The following SORCS2 variants were observed in gnomAD, a reference collection of about 807,000 sequenced individuals.
The protein encoded by SORCS2 is VPS10 domain-containing receptor SorCS2.
SORCS2 carries 100 observed loss-of-function variants against 141.6 expected under a neutral mutation model. The observed-to-expected ratio is 0.71, with a 90% confidence interval of 0.60 to 0.83. SORCS2 has a LOEUF of 0.83. Among genes scored for constraint, SORCS2 ranks in the 40% least tolerant of loss-of-function variants. The pLI is 0.00. For synonymous variants in SORCS2, 789 were observed against 676.9 expected, an observed-to-expected ratio of 1.17 and a Z score of -2.57; for missense variants, 1,646 against 1,560.2, an observed-to-expected ratio of 1.05 and a Z score of -0.93.
At chr4:7,512,999 T>C (rs1338221370) in intron 2 of SORCS2, among the ~76,000 whole-genome samples, 1 of 152,122 alleles carries the variant, frequency 6.6e-6, no homozygotes. Flanking sequence ...CCCACATCAT[T>C]GTTCCTGGAA....
chr4:7,682,056 C>G (rs1007607538), intron 9 of SORCS2, among the ~76,000 whole-genome samples: 1 of 152,170 alleles, frequency 6.6e-6, no homozygotes, highest in Non-Finnish European at 1.5e-5. Context: ...GCAAACCACT[C>G]GGTTGAACTA....
chr4:7,704,436 G>A (rs1253223798), intron 14 of SORCS2, among the ~76,000 whole-genome samples, 152 bp downstream of exon 14: 4 of 152,352 alleles, frequency 2.6e-5, no homozygotes, highest in South Asian at 2.1e-4. Flanking sequence ...GGACAGGACC[G>A]AGGCTCCAGG....
chr4:7,624,788 G>T (rs1196402277), intron 3 of SORCS2, among the ~76,000 whole-genome samples: 2 of 152,174 alleles, frequency 1.3e-5, no homozygotes, highest in Admixed American at 6.6e-5. Flanking sequence ...AAGCAAACAG[G>T]CTTTTTAGCA....
chr4:7,193,975 A>C lies in SORCS2; in HGVS notation c.480+849A>C, dbSNP rs1727020988. Among the ~76,000 whole-genome samples, 1 of 151,900 alleles carries C rather than the reference A, an allele frequency of 6.6e-6. No individual in the cohort carries two copies. The highest frequency in any genetic ancestry group is 1.5e-5 in the Non-Finnish European group (1 of 67,982). ...TGCAGGAGGCAGAGGGTCCCTTTAG[A>C]TTATTCCCCTGGGGGCTGCCTCAAC... On this transcript the variant is annotated intron_variant, in intron 1 of 26. Transcript: ENST00000507866. This position sits in a 1 kb window ranked among gnomAD's most constrained non-coding sequence, Gnocchi z 4.8.
intron 3 of SORCS2, among the ~76,000 whole-genome samples, chr4:7,543,975 C>T (rs370969535): frequency 0.061 from 2,202 of 36,390 alleles, 53 homozygotes; most frequent in Non-Finnish European, 0.073. Flanking sequence ...CATCCATCCA[C>T]CCATCCGTCC....
At position 7,241,694 on chromosome 4, in the gene SORCS2, C is replaced by T. The variant is rs561860027; in HGVS notation, c.480+48568C>T. 3.9e-5 allele frequency among the ~76,000 whole-genome samples: 6 copies of T among 152,318 alleles called. No individual in the cohort carries two copies. In the South Asian group the frequency reaches 6.2e-4, roughly 16 times the overall value. ...CAGTTGCCAGCACACGATGCCATTC[C>T]GTAGTCTCTCCCTGGTTAAGGTGGT... On this transcript the variant is annotated intron_variant, in intron 1 of 26. Coordinates refer to ENST00000507866, the MANE Select transcript of SORCS2 (RefSeq NM_020777.3).
intron 2 of SORCS2, among the ~76,000 whole-genome samples, chr4:7,524,658 C>T (rs10002208): frequency 0.44 from 66,320 of 151,538 alleles, 16,069 homozygotes; most frequent in East Asian, 0.78. Flanking sequence ...GCAGCGCCGC[C>T]GCCCTTGTTC....
intron 1 of SORCS2, among the ~76,000 whole-genome samples, chr4:7,320,276 T>C (rs1288171143): frequency 1.3e-5 from 2 of 152,256 alleles, no homozygotes; most frequent in Admixed American, 6.5e-5. Context: ...TTCATAAAAG[T>C]AAGCTCAGAG....
intron 1 of SORCS2, among the ~76,000 whole-genome samples, chr4:7,293,534 T>A (rs986614837): frequency 6.6e-6 from 1 of 152,216 alleles, no homozygotes; most frequent in Admixed American, 6.5e-5. Flanking sequence ...ATGCACCGTT[T>A]GCAGAGTTTA....
chr4:7,405,201 C>G (rs1050713871), intron 2 of SORCS2, among the ~76,000 whole-genome samples: 6 of 152,022 alleles, frequency 3.9e-5, no homozygotes, highest in African/African-American at 1.4e-4. Context: ...CCATTCTGTT[C>G]CATTGGTTTA....
intron 1 of SORCS2, among the ~76,000 whole-genome samples, chr4:7,223,488 T>C (rs1577294520): frequency 1.3e-5 from 2 of 152,248 alleles, no homozygotes; most frequent in Non-Finnish European, 2.9e-5. Context: ...TAAATAATTA[T>C]GCTGATGTGC....
At position 7,733,568 on chromosome 4, in the gene SORCS2, G is replaced by C. The variant is rs150246699; in HGVS notation, c.3208+147G>C. ...TCTGATGGAACTGAGAACCCACCCA[G>C]GTCAGACGCAGGACCGCGCTCTCCC... is the stretch of plus-strand genomic sequence containing the variant. On this transcript the variant is annotated intron_variant, in intron 24 of 26. Coordinates refer to ENST00000507866, the MANE Select transcript of SORCS2 (RefSeq NM_020777.3). 1,047 of 641,858 alleles carry C rather than the reference G, an allele frequency of 1.6e-3. 7 individuals carry two copies. The highest frequency in any genetic ancestry group is 8.7e-3 in the Middle Eastern group (20 of 2,290). The allele number at this position is 641,858 out of a possible 1,614,324, so 39.8% of individuals were successfully genotyped here.
At position 7,631,181 on chromosome 4, in the gene SORCS2, G is replaced by A. The variant is rs190956237; in HGVS notation, c.649-7147G>A. Among the ~76,000 whole-genome samples the A allele has an allele frequency of 6.7e-4, 101 of 151,506 alleles. No homozygotes were observed. In the East Asian group the frequency reaches 0.017, roughly 26 times the overall value. On this transcript the variant is annotated intron_variant, in intron 3 of 26. Coordinates refer to ENST00000507866, the MANE Select transcript of SORCS2 (RefSeq NM_020777.3). Reference sequence around the variant, plus strand: ...AGCCCTGCCAGAGGAAGATGACGTGGACCAGGGAAGGGAACTTGGCAGCGT... The same window carrying A: ...AGCCCTGCCAGAGGAAGATGACGTGAACCAGGGAAGGGAACTTGGCAGCGT...
chr4:7,641,777 A>G (rs1283742845), intron 4 of SORCS2, among the ~76,000 whole-genome samples: 1 of 79,066 alleles, frequency 1.3e-5, no homozygotes, highest in Non-Finnish European at 3.1e-5. Flanking sequence ...TGGATGGATA[A>G]ATGGATGGAT....
intron 1 of SORCS2, among the ~76,000 whole-genome samples, chr4:7,327,909 C>T (rs1719383012): frequency 6.6e-6 from 1 of 151,966 alleles, no homozygotes; most frequent in Non-Finnish European, 1.5e-5. Context: ...CCCCTCCAGA[C>T]CAAGGGCTCC....
rs1712234915 is a variant in SORCS2, at chr4:7,737,006, C to T, written c.3312-63C>T. The stretch of plus-strand genomic sequence containing the variant: ...GTGTGGTCAGGCGGCCAGCGGAAGG[C>T]TCCAGGGACAGGCGGCCTGGGAAGC... On this transcript the variant is annotated intron_variant, in intron 25 of 26. Transcript: ENST00000507866. 1.9e-6 allele frequency: 3 copies of T among 1,542,972 alleles called. No individual in the cohort carries two copies. The East Asian group carries it at 7.4e-5, about 38-fold the overall frequency.
intron 23 of SORCS2, among the ~76,000 whole-genome samples, chr4:7,731,638 T>C (rs1711695881): frequency 6.6e-6 from 1 of 152,108 alleles, no homozygotes; most frequent in Admixed American, 6.5e-5. Context: ...TGGAACAGAA[T>C]AGAGCCCAGA....
intron 2 of SORCS2, among the ~76,000 whole-genome samples, chr4:7,444,931 C>T (rs769868616): frequency 3.6e-4 from 55 of 152,156 alleles, no homozygotes; most frequent in Non-Finnish European, 6.2e-4. Context: ...GCCACTTGGA[C>T]GATGAACCGG....
At chr4:7,556,012 A>T (rs1465042349) in intron 3 of SORCS2, among the ~76,000 whole-genome samples, 3 of 152,258 alleles carry the variant, frequency 2.0e-5, no homozygotes, top group Admixed American at 1.3e-4. Context: ...TTCAACACTC[A>T]ACTCACATCG....
Sources: allele counts gnomAD v4.1 joint callset (sites outside exome capture counted in the v4.1 genomes callset), GRCh38; gene constraint gnomAD v4.1.1; non-coding constraint Gnocchi (gnomAD v3.1); transcripts MANE v1.5; gene names NCBI Gene and HGNC (gene_info 2026-07-23, HGNC 2026-07-21).